Variants in ASXL3 observed in about 807,000 individuals in gnomAD.
ASXL3 encodes ASXL transcriptional regulator 3, also known as putative Polycomb group protein ASXL3.
A neutral mutation model predicts 170.6 loss-of-function variants in ASXL3; 34 were observed. The ratio of observed to expected loss-of-function variants is 0.20; its 90% CI spans 0.15 to 0.27. The LOEUF is 0.27. Among genes scored for constraint, ASXL3 ranks in the 10% least tolerant of loss-of-function variants. The probability of loss-of-function intolerance (pLI) is 1.00; values close to 1 mark genes in which losing one functional copy is unlikely to be tolerated. For missense variants in ASXL3, 2,592 were observed against 2,695.3 expected (o/e 0.96, Z 0.85); for synonymous variants, 1,002 against 989.1 (o/e 1.01, Z -0.24).
intron 1 of ASXL3, among the ~76,000 whole-genome samples, chr18:33,585,280 A>G (rs1296166718): frequency 6.6e-6 from 1 of 152,196 alleles, no homozygotes; most frequent in East Asian, 1.9e-4. Context: ...GCCAGCACTG[A>G]GTGCCTTGAT....
At chr18:33,659,334 C>T (rs1256413852) in intron 4 of ASXL3, among the ~76,000 whole-genome samples, 1 of 152,030 alleles carries the variant, frequency 6.6e-6, no homozygotes, top group Non-Finnish European at 1.5e-5. Context: ...TCATATTTTC[C>T]CTAAGTTCCT....
intron 1 of ASXL3, among the ~76,000 whole-genome samples, chr18:33,584,306 A>G (rs2065017548): frequency 6.6e-6 from 1 of 151,862 alleles, no homozygotes; most frequent in African/African-American, 2.4e-5. Context: ...TGTAATTGCG[A>G]TCAGATTGGG....
At chr18:33,722,108 TC>T (rs1185940076) in intron 8 of ASXL3, among the ~76,000 whole-genome samples, 3 of 152,030 alleles carry the variant, frequency 2.0e-5, no homozygotes, top group Non-Finnish European at 2.9e-5. Context: ...ACCAGCTGTC[TC>T]CCATTTCTCT....
chr18:33,578,495 CCGCCA>C lies in ASXL3; in HGVS notation c.-135_-131del. On this transcript the variant is annotated 5_prime_UTR_variant, in exon 1 of 12. Transcript: ENST00000269197. ...GCCGCCGCCGCCGCCGCCGCCGCCG[CCGCCA>C]CCGCCCGCGCGCCTCCCCCCGCGGA... 2.9e-6 allele frequency: 1 copy of C among 345,320 alleles called. No homozygotes were observed. The highest frequency in any genetic ancestry group is 4.4e-6 in the Non-Finnish European group (1 of 229,814). The allele number at this position is 345,320 out of a possible 1,614,324, so 21.4% of individuals were successfully genotyped here.
At chr18:33,710,126 C>A (rs989083399) in intron 8 of ASXL3, among the ~76,000 whole-genome samples, 1 of 152,278 alleles carries the variant, frequency 6.6e-6, no homozygotes, top group Non-Finnish European at 1.5e-5. Context: ...CGTGGTGGCA[C>A]ATGCCTGTAA....
intron 8 of ASXL3, among the ~76,000 whole-genome samples, chr18:33,704,172 T>C (rs1250122654): frequency 6.6e-6 from 1 of 152,178 alleles, no homozygotes; most frequent in East Asian, 1.9e-4. Context: ...ATGAAATTCA[T>C]ATTAACGTCT....
At chr18:33,629,504 A>G (rs2065647051) in intron 2 of ASXL3, among the ~76,000 whole-genome samples, 1 of 152,108 alleles carries the variant, frequency 6.6e-6, no homozygotes, top group African/African-American at 2.4e-5. Context: ...AATTTTAGCC[A>G]TGGTTTAATC....
At chr18:33,591,272 C>G (rs1015010251) in intron 1 of ASXL3, among the ~76,000 whole-genome samples, 8 of 152,026 alleles carry the variant, frequency 5.3e-5, no homozygotes, top group African/African-American at 1.7e-4. Context: ...TTTTACTTAG[C>G]TTTGTGGAAA....
chr18:33,648,226 A>G (rs1266112012), intron 4 of ASXL3, among the ~76,000 whole-genome samples: 1 of 152,082 alleles, frequency 6.6e-6, no homozygotes, highest in Non-Finnish European at 1.5e-5. Context: ...GAGAACAAGG[A>G]AAAAAGCAGG....
chr18:33,745,457 A>G lies in ASXL3; in HGVS notation c.5609A>G (p.His1870Arg). 1 of 1,614,040 alleles carries G rather than the reference A, an allele frequency of 6.2e-7. No individual in the cohort carries two copies. Among genetic ancestry groups the G allele is most frequent in the South Asian group, 1.1e-5 (1 of 91,088 alleles). The change falls in exon 12 of 12, where the codon CAC (histidine) becomes CGC (arginine). Residue 1870 changes from histidine to arginine, a missense_variant. Around this residue, in one of 4 missense-constraint regions of ASXL3, gnomAD observed 2,246 missense variants for 2,219.6 expected, o/e 1.01. Transcript: ENST00000269197. ...VISSGISQLG[H>R]SQPFKQEWLN... ...AGTTCCGGCATCAGTCAGCTAGGACACAGCCAGCCATTTAAGCAAGAATGG... is the reference window on the plus strand; with the variant it reads ...AGTTCCGGCATCAGTCAGCTAGGACGCAGCCAGCCATTTAAGCAAGAATGG...
chr18:33,689,640 A>G (rs1941692), intron 8 of ASXL3, among the ~76,000 whole-genome samples: 86,199 of 152,038 alleles, frequency 0.57, 25,088 homozygotes, highest in East Asian at 0.9. Context: ...ACAGTAAATG[A>G]TGTTGCGTTC....
At chr18:33,605,949 C>T (rs2065243444) in intron 1 of ASXL3, among the ~76,000 whole-genome samples, 1 of 151,804 alleles carries the variant, frequency 6.6e-6, no homozygotes, top group South Asian at 2.1e-4. Context: ...GAGGCAGTGC[C>T]CACACTATAT....
intron 8 of ASXL3, among the ~76,000 whole-genome samples, chr18:33,728,844 T>G (rs1281812595): frequency 6.6e-6 from 1 of 152,228 alleles, no homozygotes. Context: ...GTCATCTTTT[T>G]AAGCACATAC....
intron 2 of ASXL3, among the ~76,000 whole-genome samples, chr18:33,620,028 A>G (rs1199365808): frequency 6.6e-6 from 1 of 152,152 alleles, no homozygotes; most frequent in East Asian, 1.9e-4. Flanking sequence ...TAAGCAGAGA[A>G]TAAGCAGAAT....
At chr18:33,616,909 A>G (rs1273124821) in intron 2 of ASXL3, among the ~76,000 whole-genome samples, 1 of 152,106 alleles carries the variant, frequency 6.6e-6, no homozygotes, top group Non-Finnish European at 1.5e-5. Flanking sequence ...TCACTTCGCT[A>G]GAGGGCCCAT....
chr18:33,731,003 T>C (rs1568354285), intron 8 of ASXL3, among the ~76,000 whole-genome samples: 1 of 152,324 alleles, frequency 6.6e-6, no homozygotes, highest in East Asian at 1.9e-4. Context: ...TTATCTTGCA[T>C]TTGTTCTCAG....
intron 4 of ASXL3, among the ~76,000 whole-genome samples, chr18:33,647,387 G>A (rs929975006): frequency 1.3e-5 from 2 of 152,056 alleles, no homozygotes. Flanking sequence ...GAAATTACAA[G>A]AATGGCTGCA....
At position 33,739,220 on chromosome 18, in the gene ASXL3, G is replaced by C; in HGVS notation, c.1816G>C (p.Ala606Pro). 1 of 1,613,826 alleles carries C rather than the reference G, an allele frequency of 6.2e-7. No individual in the cohort carries two copies. Among genetic ancestry groups the C allele is most frequent in the Admixed American group, 1.7e-5 (1 of 59,990 alleles). The change falls in exon 11 of 12, where the codon GCC becomes CCC. Residue 606 changes from alanine to proline, a missense_variant. Around this residue, in one of 4 missense-constraint regions of ASXL3, gnomAD observed 2,246 missense variants for 2,219.6 expected, o/e 1.01. Transcript: ENST00000269197. ...CCCTGAAGAACAGCTTTCAGAAAATGCCTGCATCTCTGAAACGTCCTTTTC... is the reference window on the plus strand; with the variant it reads ...CCCTGAAGAACAGCTTTCAGAAAATCCCTGCATCTCTGAAACGTCCTTTTC... Reference protein sequence around the residue: ...SDPEEQLSENACISETSFSSE... With the variant: ...SDPEEQLSENPCISETSFSSE...
chr18:33,726,521 G>C (rs1342549427), intron 8 of ASXL3, among the ~76,000 whole-genome samples: 3 of 152,056 alleles, frequency 2.0e-5, no homozygotes, highest in Admixed American at 6.6e-5. Context: ...CATATTCAAA[G>C]AGAATGTAAA....
Sources: allele counts gnomAD v4.1 joint callset (sites outside exome capture counted in the v4.1 genomes callset), GRCh38; gene constraint gnomAD v4.1.1; regional missense constraint gnomAD v4.1.1; transcripts MANE v1.5; gene names NCBI Gene and HGNC (gene_info 2026-07-23, HGNC 2026-07-21).